MTUS2: variants seen among roughly 807,000 people sequenced by gnomAD.
MTUS2 encodes microtubule-associated tumor suppressor candidate 2.
Under a neutral mutation model 114.1 loss-of-function variants are expected in MTUS2, and 40 were observed. The ratio of observed to expected loss-of-function variants is 0.35; its 90% CI spans 0.27 to 0.46. The LOEUF (loss-of-function observed/expected upper bound fraction) is 0.46. MTUS2 is among the 20% of genes least tolerant of loss of function. The pLI is 1.00. For synonymous variants in MTUS2, 688 were observed against 672.0 expected (o/e 1.02, Z -0.37); for missense variants, 1,679 against 1,705.4 (o/e 0.98, Z 0.27).
chr13:29,038,612 A>G (rs1008344700), intron 4 of MTUS2, among the ~76,000 whole-genome samples: 18 of 152,188 alleles, frequency 1.2e-4, no homozygotes, highest in African/African-American at 3.9e-4. Flanking sequence ...ACAGGCAGGA[A>G]TGTTTAAGTC....
chr13:29,218,256 C>T (rs1895762978), intron 5 of MTUS2, among the ~76,000 whole-genome samples: 1 of 145,952 alleles, frequency 6.9e-6, no homozygotes, highest in Non-Finnish European at 1.5e-5. Flanking sequence ...AAGCAACTCC[C>T]TATCTGTTTA....
At chr13:28,947,366 G>A (rs73161890) in intron 2 of MTUS2, among the ~76,000 whole-genome samples, 5 of 152,264 alleles carry the variant, frequency 3.3e-5, no homozygotes, top group Non-Finnish European at 7.4e-5. Context: ...ATGCATGAGC[G>A]AGTGTTTACT....
At chr13:29,105,052 G>C (rs1566011268) in intron 5 of MTUS2, among the ~76,000 whole-genome samples, 1 of 152,118 alleles carries the variant, frequency 6.6e-6, no homozygotes, top group Non-Finnish European at 1.5e-5. Flanking sequence ...AAATTATTTT[G>C]AACACTGACA....
chr13:28,955,930 G>C (rs1387493524), intron 2 of MTUS2, among the ~76,000 whole-genome samples: 1 of 151,566 alleles, frequency 6.6e-6, no homozygotes, highest in Admixed American at 6.6e-5. Flanking sequence ...ATTTCCAGAA[G>C]TTATTGGGAC....
intron 5 of MTUS2, among the ~76,000 whole-genome samples, chr13:29,245,135 A>G (rs2139409883): frequency 6.6e-6 from 1 of 152,200 alleles, no homozygotes; most frequent in Non-Finnish European, 1.5e-5. Flanking sequence ...ATAAGAGAGG[A>G]CAATCATAGA....
intron 5 of MTUS2, among the ~76,000 whole-genome samples, chr13:29,139,165 A>T (rs1344501017): frequency 6.6e-6 from 1 of 152,138 alleles, no homozygotes; most frequent in Non-Finnish European, 1.5e-5. Flanking sequence ...ATGTGCTGAC[A>T]CACAGACAAC....
intron 13 of MTUS2, chr13:29,497,538 T>C (rs1882632847): frequency 3.4e-6 from 2 of 588,112 alleles, no homozygotes; most frequent in East Asian, 2.8e-5. Flanking sequence ...TGTGGGTTTC[T>C]CCAGCTACGT....
chr13:29,338,359 G>C (rs566445809), intron 7 of MTUS2, among the ~76,000 whole-genome samples: 91 of 152,252 alleles, frequency 6.0e-4, no homozygotes, highest in African/African-American at 2.1e-3. Flanking sequence ...GGCCCAGGCA[G>C]ATGGATTGCC....
intron 2 of MTUS2, among the ~76,000 whole-genome samples, chr13:28,889,557 G>T (rs1308426549): frequency 6.6e-6 from 1 of 152,126 alleles, no homozygotes; most frequent in East Asian, 1.9e-4. Flanking sequence ...GATTCCACGT[G>T]TTCCCTTGGT....
At chr13:29,390,536 C>A (rs1189663336) in intron 8 of MTUS2, among the ~76,000 whole-genome samples, 1 of 151,118 alleles carries the variant, frequency 6.6e-6, no homozygotes, top group Non-Finnish European at 1.5e-5. Context: ...GCCTATTATC[C>A]CAGCTACCCA....
At chr13:29,100,731 G>T in intron 4 of MTUS2, 42 bp from the exon 5 acceptor site, 1 of 1,536,448 alleles carries the variant, frequency 6.5e-7, no homozygotes, top group South Asian at 1.2e-5. Flanking sequence ...ATCTCATTAT[G>T]AACTGAGAAT....
chr13:28,842,680 A>G (rs578167631), intron 2 of MTUS2, among the ~76,000 whole-genome samples: 1 of 152,340 alleles, frequency 6.6e-6, no homozygotes, highest in African/African-American at 2.4e-5. Flanking sequence ...GTAAAGATGT[A>G]TATACTCTGC....
intron 2 of MTUS2, among the ~76,000 whole-genome samples, chr13:28,891,140 A>G (rs920424208): frequency 2.0e-5 from 3 of 152,236 alleles, no homozygotes; most frequent in African/African-American, 4.8e-5. Context: ...GTCTGAGGAC[A>G]TGTGGGATAC....
intron 5 of MTUS2, among the ~76,000 whole-genome samples, chr13:29,251,743 A>T (rs1897132266): frequency 6.6e-6 from 1 of 152,192 alleles, no homozygotes; most frequent in South Asian, 2.1e-4. Context: ...AGGTTCATCC[A>T]TGTTGTGGCA....
At chr13:28,831,748 C>A (rs993098559) in intron 1 of MTUS2, among the ~76,000 whole-genome samples, 2 of 143,740 alleles carry the variant, frequency 1.4e-5, no homozygotes. Flanking sequence ...TTCCTTCCTT[C>A]CTTTTTTATT....
intron 5 of MTUS2, among the ~76,000 whole-genome samples, chr13:29,106,810 A>G (rs1016925421): frequency 1.3e-5 from 2 of 151,766 alleles, no homozygotes; most frequent in African/African-American, 4.8e-5. Context: ...GTCCTTGGTA[A>G]TTTTCCCTTT....
At chr13:28,955,492 C>T (rs984233880) in intron 2 of MTUS2, among the ~76,000 whole-genome samples, 10 of 151,884 alleles carry the variant, frequency 6.6e-5, no homozygotes, top group East Asian at 1.9e-4. Context: ...TTAATGATGC[C>T]GCCATAAAAG....
intron 9 of MTUS2, among the ~76,000 whole-genome samples, chr13:29,469,010 C>A (rs1461896434): frequency 6.6e-6 from 1 of 152,146 alleles, no homozygotes; most frequent in Non-Finnish European, 1.5e-5. Context: ...TAATAGATAC[C>A]CCTGCATCAT....
At chr13:29,274,781 G>A (rs984180593) in intron 5 of MTUS2, among the ~76,000 whole-genome samples, 7 of 152,184 alleles carry the variant, frequency 4.6e-5, no homozygotes, top group African/African-American at 1.2e-4. Flanking sequence ...CCAGGCTGGA[G>A]TGCAGTGGTG....
Sources: allele counts gnomAD v4.1 joint callset (sites outside exome capture counted in the v4.1 genomes callset), GRCh38; gene constraint gnomAD v4.1.1; transcripts MANE v1.5; gene names NCBI Gene and HGNC (gene_info 2026-07-23, HGNC 2026-07-21).